Variants in TOGARAM2 observed in about 807,000 individuals in gnomAD.
The protein encoded by TOGARAM2 is TOG array regulator of axonemal microtubules 2, also known as TOG array regulator of axonemal microtubules protein 2.
In TOGARAM2, 85 loss-of-function variants were observed where a neutral mutation model predicts 93.3. That is an observed-to-expected ratio of 0.91 (90% CI 0.76 to 1.09). TOGARAM2 has a LOEUF of 1.09. Among genes scored for constraint, TOGARAM2 ranks in the 50% least tolerant of loss-of-function variants. The pLI is 0.00. For missense variants in TOGARAM2, 1,277 were observed against 1,334.5 expected (o/e 0.96, Z 0.67); for synonymous variants, 593 against 552.8 (o/e 1.07, Z -1.02).
intron 13 of TOGARAM2, 139 bp downstream of exon 13, chr2:29,024,513 C>T: frequency 1.3e-6 from 1 of 776,806 alleles, no homozygotes; most frequent in Non-Finnish European, 2.1e-6. Context: ...GCAGGGGGTC[C>T]CTTGAGATGC....
chr2:29,006,183 G>A, intron 6 of TOGARAM2, among the ~76,000 whole-genome samples: 1 of 68,898 alleles, frequency 1.5e-5, no homozygotes, highest in Non-Finnish European at 4.9e-5. Context: ...GTGACCACAT[G>A]TGTGTGCATG....
rs1360036923 is a variant in TOGARAM2 at position 29,052,076 on chromosome 2, C to T, written c.3043C>T (p.Pro1015Ser). 2 of 1,578,580 alleles carry T rather than the reference C, an allele frequency of 1.3e-6. No individual in the cohort carries two copies. Among genetic ancestry groups the T allele is most frequent in the East Asian group, 2.3e-5 (1 of 44,096 alleles). Reference sequence around the variant, plus strand: ...CAGCAAGACAACTGGCAGCTCATACCCTTTTCAGCTGGATTAAAGATGGAT... The same window carrying T: ...CAGCAAGACAACTGGCAGCTCATACTCTTTTCAGCTGGATTAAAGATGGAT... ...PDSKTTGSSYPFQLD is the reference protein window; with the variant it reads ...PDSKTTGSSYSFQLD Residue 1015 changes from proline to serine, a missense_variant, in exon 20 of 20, where the codon CCT becomes TCT. Pro to Ser is a moderately conservative substitution (Grantham distance 74, BLOSUM62 -1). Transcript: ENST00000379558.
At chr2:29,022,455 C>A in intron 11 of TOGARAM2, 147 bp downstream of exon 11, 1 of 1,049,978 alleles carries the variant, frequency 9.5e-7, no homozygotes, top group Non-Finnish European at 1.3e-6. Context: ...GAGGACTGTG[C>A]ATGCATATAG....
At chr2:29,049,034 T>C (rs949695757) in intron 19 of TOGARAM2, 1 of 150,930 alleles carries the variant, frequency 6.6e-6, no homozygotes, top group Admixed American at 6.6e-5. Flanking sequence ...TTTTGTATTT[T>C]TTTTTTTTTT....
At chr2:29,046,351 T>G (rs1666741159) in intron 19 of TOGARAM2, 1 of 152,284 alleles carries the variant, frequency 6.6e-6, no homozygotes, top group Non-Finnish European at 1.5e-5. Context: ...GGCAGGTTAC[T>G]TATCTTGGTT....
At chr2:28,969,047 G>T (rs1671909388) in intron 1 of TOGARAM2, among the ~76,000 whole-genome samples, 1 of 152,040 alleles carries the variant, frequency 6.6e-6, no homozygotes, top group Non-Finnish European at 1.5e-5. Flanking sequence ...AGGAAGACAG[G>T]ATATTTCTCT....
intron 1 of TOGARAM2, among the ~76,000 whole-genome samples, chr2:28,973,439 T>TCCCTTTCCTTCCTTCCCTA (rs1671980303): frequency 4.9e-5 from 1 of 20,592 alleles, no homozygotes. Context: ...TTCCTTCCCT[T>TCCCTTTCCTTCCTTCCCTA]CCCCTTCCTT....
chr2:29,045,215 C>G (rs1666669918), intron 18 of TOGARAM2, 109 bp from the exon 19 acceptor site: 1 of 801,868 alleles, frequency 1.2e-6, no homozygotes, highest in African/African-American at 1.7e-5. Context: ...TCAGCTCCCC[C>G]AAAGGCCTCA....
chr2:28,985,041 T>A (rs75719179), intron 1 of TOGARAM2, among the ~76,000 whole-genome samples: 1 of 152,208 alleles, frequency 6.6e-6, no homozygotes, highest in East Asian at 1.9e-4. Flanking sequence ...ACTGAATGCA[T>A]GCGTCCCACA....
intron 1 of TOGARAM2, among the ~76,000 whole-genome samples, chr2:28,959,920 C>T (rs1315917063): frequency 1.3e-5 from 2 of 152,188 alleles, no homozygotes; most frequent in Non-Finnish European, 2.9e-5. Flanking sequence ...CTGGGCGGCA[C>T]AGCCCGCTAC....
intron 2 of TOGARAM2, among the ~76,000 whole-genome samples, chr2:28,996,385 C>A (rs1672989284): frequency 6.6e-6 from 1 of 152,160 alleles, no homozygotes; most frequent in Non-Finnish European, 1.5e-5. Context: ...ACCAACCTCT[C>A]TTCATTCCAC....
At chr2:28,975,342 C>G (rs1039809249) in intron 1 of TOGARAM2, among the ~76,000 whole-genome samples, 4 of 151,902 alleles carry the variant, frequency 2.6e-5, no homozygotes, top group African/African-American at 9.7e-5. Context: ...GTGCCCGCCA[C>G]CACGCCCGGC....
chr2:29,024,190 G>T lies in TOGARAM2; in HGVS notation c.1669G>T (p.Asp557Tyr). Reference protein sequence around the residue: ...VSHLAISTLGDLFQALKKNMD... With the variant: ...VSHLAISTLGYLFQALKKNMD... ...TCACCTGGCCATCAGCACCTTGGGA[G>T]ACCTCTTCCAGGCCTTGAAGAAGAA... Residue 557 changes from aspartate to tyrosine, a missense_variant, in exon 13 of 20, where the codon GAC becomes TAC. Asp to Tyr is a radical substitution (Grantham distance 160). Transcript: ENST00000379558. 1 of 1,602,870 alleles carries T rather than the reference G, an allele frequency of 6.2e-7. No individual in the cohort carries two copies. The highest frequency in any genetic ancestry group is 8.5e-7 in the Non-Finnish European group (1 of 1,174,586).
intron 1 of TOGARAM2, among the ~76,000 whole-genome samples, chr2:28,982,131 T>C (rs1272735548): frequency 6.6e-6 from 1 of 152,256 alleles, no homozygotes; most frequent in Admixed American, 6.5e-5. Flanking sequence ...TGGTGCTGTC[T>C]GTGAGCATGG....
Position 29,023,278 on chromosome 2 carries a change from C to T in TOGARAM2, c.1617+87C>T. On this transcript the variant is annotated intron_variant, in intron 12 of 19. Transcript: ENST00000379558. ...GCTAGCAGCTGTGGAGGGGCTGTGG[C>T]TTCAGGGACATGGGGATCCCTGCTT... is the stretch of plus-strand genomic sequence containing the variant. 2.7e-6 allele frequency: 3 copies of T among 1,106,386 alleles called. No homozygotes were observed. In the East Asian group the frequency reaches 8.0e-5, roughly 29 times the overall value. The allele number at this position is 1,106,386 out of a possible 1,614,324, so 68.5% of individuals were successfully genotyped here. A position where few individuals can be genotyped will look rare whatever the true frequency, so the allele number is the denominator to read the frequency against.
intron 6 of TOGARAM2, among the ~76,000 whole-genome samples, chr2:29,004,750 G>GTACA (rs1414512541): frequency 7.2e-5 from 1 of 13,850 alleles, no homozygotes; most frequent in Non-Finnish European, 5.3e-4. Context: ...ATGTGTGTGT[G>GTACA]TGTCTGAGTG....
chr2:28,989,605 C>G (rs1301427049), intron 1 of TOGARAM2, among the ~76,000 whole-genome samples: 5 of 151,414 alleles, frequency 3.3e-5, no homozygotes, highest in African/African-American at 9.7e-5. Flanking sequence ...ACTGTGTTGC[C>G]CAGTACTGTG....
chr2:28,977,024 C>T (rs1340359442), upstream of TOGARAM2, among the ~76,000 whole-genome samples: 3 of 151,882 alleles, frequency 2.0e-5, no homozygotes, highest in Non-Finnish European at 4.4e-5. Flanking sequence ...CCTGGGGGGG[C>T]GTGGCCTGTG....
intron 6 of TOGARAM2, among the ~76,000 whole-genome samples, chr2:29,006,569 G>A (rs2148309054): frequency 6.6e-6 from 1 of 152,212 alleles, no homozygotes; most frequent in African/African-American, 2.4e-5. Context: ...TGCTGTGACT[G>A]CTTCCCTCCC....
Sources: gnomAD v4.1 joint callset for allele counts (sites outside exome capture counted in the v4.1 genomes callset) on GRCh38, gnomAD v4.1.1 for gene constraint, MANE v1.5 for transcripts, NCBI Gene and HGNC (gene_info 2026-07-23, HGNC 2026-07-21) for gene names.